Variants in PACSIN1 observed in about 807,000 individuals in gnomAD.
PACSIN1 encodes protein kinase C and casein kinase substrate in neurons protein 1.
In PACSIN1, 15 loss-of-function variants were observed where a neutral mutation model predicts 59.5. The ratio of observed to expected loss-of-function variants is 0.25; its 90% CI spans 0.17 to 0.39. The LOEUF (loss-of-function observed/expected upper bound fraction) is 0.39. Among genes scored for constraint, PACSIN1 ranks in the 10% least tolerant of loss-of-function variants. The pLI is 1.00. For missense variants in PACSIN1, 420 were observed against 580.2 expected, an observed-to-expected ratio of 0.72 and a Z score of 2.84; for synonymous variants, 210 against 220.6, an observed-to-expected ratio of 0.95 and a Z score of 0.42.
chr6:34,475,768 A>G (rs1470801969), intron 1 of PACSIN1, among the ~76,000 whole-genome samples: 3 of 152,176 alleles, frequency 2.0e-5, no homozygotes, highest in Non-Finnish European at 4.4e-5. Flanking sequence ...CTCTACTTCC[A>G]TATCCATTTC....
intron 1 of PACSIN1, among the ~76,000 whole-genome samples, 170 bp from the exon 2 acceptor site, chr6:34,526,073 G>A (rs1435878100): frequency 6.6e-6 from 1 of 152,062 alleles, no homozygotes; most frequent in Non-Finnish European, 1.5e-5. Context: ...GGGTGCTACA[G>A]GGCGACTCTT....
Position 34,529,251 on chromosome 6 carries a change from C to G in PACSIN1, c.457-146C>G, listed in dbSNP as rs1415711553. On this transcript the variant is annotated intron_variant, in intron 4 of 9. Transcript: ENST00000244458. This position sits in a 1 kb window ranked among gnomAD's most constrained non-coding sequence, Gnocchi z 6.3. Reference sequence around the variant, plus strand: ...ATGGAGGAGCGCTGCTCCCGAACACCTGGAGCCAGGGCCTGCATCCCTTCT... The same window carrying G: ...ATGGAGGAGCGCTGCTCCCGAACACGTGGAGCCAGGGCCTGCATCCCTTCT... The G allele has an allele frequency of 2.4e-6, 2 of 834,958 alleles. No individual in the cohort carries two copies. Among genetic ancestry groups the G allele is most frequent in the Non-Finnish European group, 3.7e-6 (2 of 537,166 alleles). The allele number at this position is 834,958 out of a possible 1,614,324, so 51.7% of individuals were successfully genotyped here.
Position 34,531,825 on chromosome 6 carries a change from T to C in PACSIN1, c.1225+38T>C. ...GGCGGGGCAGTGCCTGAGAGAGGCT[T>C]GGGCCTGGATTGGGTGTGTGGTGGT... On this transcript the variant is annotated intron_variant, in intron 9 of 9. Transcript: ENST00000244458. The surrounding 1 kb of genome is among the most constrained non-coding windows in gnomAD (Gnocchi z 4.4). The C allele has an allele frequency of 6.5e-7, 1 of 1,527,822 alleles. No individual in the cohort carries two copies. The allele number at this position is 1,527,822 out of a possible 1,614,324, so 94.6% of individuals were successfully genotyped here. A position where few individuals can be genotyped will look rare whatever the true frequency, so the allele number is the denominator to read the frequency against.
chr6:34,477,010 C>A (rs180927863), intron 1 of PACSIN1, among the ~76,000 whole-genome samples: 297 of 152,252 alleles, frequency 2.0e-3, no homozygotes, highest in African/African-American at 6.5e-3. Context: ...TCCCTAGGAC[C>A]CCCTCGTTCC....
At chr6:34,504,671 T>C (rs1381322099) in intron 1 of PACSIN1, among the ~76,000 whole-genome samples, 1 of 152,222 alleles carries the variant, frequency 6.6e-6, no homozygotes, top group Non-Finnish European at 1.5e-5. Flanking sequence ...TTTACCCGTA[T>C]TTTTACTCTT....
chr6:34,492,414 G>A (rs1444748017), intron 1 of PACSIN1, among the ~76,000 whole-genome samples: 2 of 148,706 alleles, frequency 1.3e-5, no homozygotes, highest in African/African-American at 2.5e-5. Context: ...ACAGAGTTTC[G>A]CTCTTGTTGC....
chr6:34,488,722 T>C lies in PACSIN1; in HGVS notation c.-64+22452T>C, dbSNP rs899274300. Among the ~76,000 whole-genome samples, 8 of 152,162 alleles carry C rather than the reference T, an allele frequency of 5.3e-5. No individual in the cohort carries two copies. The highest frequency in any genetic ancestry group is 2.9e-5 in the Non-Finnish European group (2 of 68,034). On this transcript the variant is annotated intron_variant, in intron 1 of 9. Coordinates refer to ENST00000244458, the MANE Select transcript of PACSIN1 (RefSeq NM_020804.5). The surrounding 1 kb of genome is among the most constrained non-coding windows in gnomAD (Gnocchi z 4.7). ...AGATCAGCTCCAAGCTGGCACCTCA[T>C]CTGCATCTTTTTATTATTATTTATT... is the stretch of plus-strand genomic sequence containing the variant.
intron 1 of PACSIN1, among the ~76,000 whole-genome samples, chr6:34,493,871 G>A (rs986530358): frequency 4.6e-5 from 7 of 152,196 alleles, no homozygotes; most frequent in Non-Finnish European, 4.4e-5. Context: ...GGTAAGCTTC[G>A]CTGCCTGGAA....
At chr6:34,510,953 T>C (rs1767193243) in intron 1 of PACSIN1, among the ~76,000 whole-genome samples, 1 of 152,148 alleles carries the variant, frequency 6.6e-6, no homozygotes, top group South Asian at 2.1e-4. Context: ...ACTCAGGCAA[T>C]CTGCTCGCCT....
In PACSIN1 at chr6:34,473,243, T is replaced by A. The variant is rs549838422; in HGVS notation, c.-64+6973T>A. On this transcript the variant is annotated intron_variant, in intron 1 of 9. Transcript: ENST00000244458. Reference sequence around the variant, plus strand: ...ACGGGGCGGGGGGCGGGGGGGTACATTCCAGGCAGAGTGACAGCAGGGACA... The same window carrying A: ...ACGGGGCGGGGGGCGGGGGGGTACAATCCAGGCAGAGTGACAGCAGGGACA... Among the ~76,000 whole-genome samples, 8 of 143,362 alleles carry A rather than the reference T, an allele frequency of 5.6e-5. No homozygotes were observed. The East Asian group carries it at 1.6e-3, about 29-fold the overall frequency. The allele number at this position is 143,362 out of a possible 152,430, so 94.1% of individuals were successfully genotyped here. A position where few individuals can be genotyped will look rare whatever the true frequency, so the allele number is the denominator to read the frequency against.
At chr6:34,509,559 G>A (rs1446996000) in intron 1 of PACSIN1, among the ~76,000 whole-genome samples, 2 of 150,746 alleles carry the variant, frequency 1.3e-5, no homozygotes, top group African/African-American at 4.9e-5. Flanking sequence ...GACCTTTGTG[G>A]TTCCTATGAT....
chr6:34,504,288 ATATTTT>A (rs1260937477), intron 1 of PACSIN1, among the ~76,000 whole-genome samples: 2,381 of 99,886 alleles, frequency 0.024, 27 homozygotes, highest in African/African-American at 0.038. Context: ...ATATATATAT[ATATTTT>A]TTTTTTTTTT....
intron 1 of PACSIN1, among the ~76,000 whole-genome samples, chr6:34,504,623 A>G (rs182700637): frequency 2.0e-5 from 3 of 152,144 alleles, no homozygotes; most frequent in Non-Finnish European, 4.4e-5. Flanking sequence ...ACCCTCAAAC[A>G]TAATTTGGAA....
At chr6:34,486,257 C>T (rs539054703) in intron 1 of PACSIN1, among the ~76,000 whole-genome samples, 1 of 152,100 alleles carries the variant, frequency 6.6e-6, no homozygotes, top group East Asian at 1.9e-4. Context: ...TAGGTGCCTC[C>T]CTTTTTCTCA....
chr6:34,496,268 A>G (rs746454525), intron 1 of PACSIN1, among the ~76,000 whole-genome samples: 3 of 152,118 alleles, frequency 2.0e-5, no homozygotes, highest in Non-Finnish European at 4.4e-5. Context: ...AATGGATTCT[A>G]GTTTACATTC....
At chr6:34,472,342 G>C (rs1766583768) in intron 1 of PACSIN1, among the ~76,000 whole-genome samples, 1 of 147,902 alleles carries the variant, frequency 6.8e-6, no homozygotes, top group South Asian at 2.2e-4. Context: ...ATGTACATAT[G>C]TTCTTCTCTG....
At chr6:34,473,779 A>G (rs1766603299) in intron 1 of PACSIN1, among the ~76,000 whole-genome samples, 1 of 152,226 alleles carries the variant, frequency 6.6e-6, no homozygotes, top group South Asian at 2.1e-4. Context: ...GTTATATAAC[A>G]GTCATATACT....
rs117037044 is a variant in PACSIN1 at position 34,511,429 on chromosome 6, A to T, written c.-63-14814A>T. Among the ~76,000 whole-genome samples, 16 of 152,324 alleles carry T rather than the reference A, an allele frequency of 1.1e-4. No homozygotes were observed. The East Asian group carries it at 2.7e-3, about 26-fold the overall frequency. On this transcript the variant is annotated intron_variant, in intron 1 of 9. Coordinates refer to ENST00000244458, the MANE Select transcript of PACSIN1 (RefSeq NM_020804.5). ...TTGGATAGCGAGGCCTTAACTGCCC[A>T]GAGCCTCAGTTTCCACACCTGTATA...
chr6:34,529,795 G>T lies in PACSIN1; in HGVS notation c.742G>T (p.Val248Leu). The T allele has an allele frequency of 6.2e-7, 1 of 1,614,028 alleles. No homozygotes were observed. Among genetic ancestry groups the T allele is most frequent in the Non-Finnish European group, 8.5e-7 (1 of 1,179,986 alleles). ...AAAGCGGCTGGTCTTCCTCAAGGAG[G>T]TGCTGCTGGACATCAAACGGCACCT... is the stretch of plus-strand genomic sequence containing the variant. The part of the protein sequence containing the change: ...EEKRLVFLKE[V>L]LLDIKRHLNL... The change falls in exon 6 of 10, where the codon GTG (valine) becomes TTG (leucine). Residue 248 changes from valine (V) to leucine (L), a missense_variant. Transcript: ENST00000244458. The surrounding 1 kb of genome is among the most constrained non-coding windows in gnomAD (Gnocchi z 6.3).
Sources: gnomAD v4.1 joint callset for allele counts (sites outside exome capture counted in the v4.1 genomes callset) on GRCh38, gnomAD v4.1.1 for gene constraint, Gnocchi (gnomAD v3.1) non-coding constraint, MANE v1.5 for transcripts, NCBI Gene and HGNC (gene_info 2026-07-23, HGNC 2026-07-21) for gene names.